MCHR2: variants seen among roughly 807,000 people sequenced by gnomAD.
The protein encoded by MCHR2 is melanin concentrating hormone receptor 2, also known as melanin-concentrating hormone receptor 2.
In MCHR2, 15 loss-of-function variants were observed where a neutral mutation model predicts 24.8. The observed-to-expected ratio is 0.60, with a 90% CI of 0.40 to 0.93. MCHR2 has a LOEUF of 0.93. Among genes scored for constraint, MCHR2 ranks in the 40% least tolerant of loss-of-function variants. MCHR2 has a pLI of 0.00. For missense variants in MCHR2, 386 were observed against 408.7 expected (o/e 0.94, Z 0.48); for synonymous variants, 151 against 147.6 (o/e 1.02, Z -0.17).
intron 1 of MCHR2, among the ~76,000 whole-genome samples, chr6:99,984,758 G>C (rs1266944519): frequency 6.6e-6 from 1 of 152,066 alleles, no homozygotes; most frequent in Non-Finnish European, 1.5e-5. Flanking sequence ...TTACCCCTTA[G>C]AATGGGACAA....
intron 1 of MCHR2, among the ~76,000 whole-genome samples, chr6:99,991,778 C>T (rs374066360): frequency 8.5e-6 from 1 of 117,568 alleles, no homozygotes; most frequent in Admixed American, 1.3e-4. Flanking sequence ...CACTGCACTC[C>T]AACCTGGGTG....
chr6:99,972,412 C>T (rs1775445307), intron 1 of MCHR2, among the ~76,000 whole-genome samples: 2 of 152,158 alleles, frequency 1.3e-5, no homozygotes. Context: ...ATGATATCCC[C>T]TTTATCATTT....
Position 99,943,118 on chromosome 6 carries a change from G to A in MCHR2, c.418C>T (p.Arg140Ter), listed in dbSNP as rs761446827. Residue 140 changes from arginine to a stop codon, truncating the protein, a stop_gained, in exon 4 of 6, where the codon CGA (arginine) becomes TGA (stop). Transcript: ENST00000281806. LOFTEE classifies it high-confidence loss of function. ...DRYFALVQPF[R>*]LTRWRTRYKT... ...TACCTTGTTCTCCAACGTGTCAGTC[G>A]AAATGGTTGGACGAGGGCAAAGTAC... The A allele has an allele frequency of 2.5e-6, 4 of 1,610,594 alleles. No individual in the cohort carries two copies. The highest frequency in any genetic ancestry group is 1.3e-5 in the African/African-American group (1 of 74,910).
intron 1 of MCHR2, among the ~76,000 whole-genome samples, chr6:99,993,301 G>A (rs1012286077): frequency 6.6e-6 from 1 of 152,160 alleles, no homozygotes; most frequent in South Asian, 2.1e-4. Context: ...TCTGACAGCC[G>A]CTAACTAACT....
chr6:99,931,888 G>A (rs573744988), intron 5 of MCHR2, among the ~76,000 whole-genome samples: 8 of 152,240 alleles, frequency 5.3e-5, no homozygotes, highest in East Asian at 1.9e-4. Context: ...AGATGGACCC[G>A]GTACCTCAGA....
chr6:99,965,181 C>T (rs901599000), intron 1 of MCHR2, among the ~76,000 whole-genome samples: 4 of 152,118 alleles, frequency 2.6e-5, no homozygotes, highest in African/African-American at 9.7e-5. Context: ...AAAAACCAGT[C>T]TAACATCTGA....
intron 5 of MCHR2, among the ~76,000 whole-genome samples, chr6:99,928,731 C>G (rs1023844981): frequency 6.6e-6 from 1 of 152,032 alleles, no homozygotes; most frequent in Non-Finnish European, 1.5e-5. Flanking sequence ...TCTCTCTTTT[C>G]TTCTTTATTA....
At chr6:99,974,057 G>A (rs1169628294) in intron 1 of MCHR2, among the ~76,000 whole-genome samples, 1 of 152,116 alleles carries the variant, frequency 6.6e-6, no homozygotes, top group Non-Finnish European at 1.5e-5. Flanking sequence ...CTCTTCTCGA[G>A]GAGTATCTTT....
intron 4 of MCHR2, among the ~76,000 whole-genome samples, chr6:99,934,898 A>T (rs1051296664): frequency 3.9e-5 from 6 of 152,176 alleles, no homozygotes; most frequent in East Asian, 1.9e-4. Flanking sequence ...CCCCATGAGT[A>T]TGATGCCATT....
At chr6:99,993,664 C>T (rs974496625) in intron 1 of MCHR2, among the ~76,000 whole-genome samples, 5 of 152,120 alleles carry the variant, frequency 3.3e-5, no homozygotes, top group African/African-American at 1.2e-4. Flanking sequence ...TTTTCTTTTC[C>T]CACCTGTGTT....
intron 1 of MCHR2, among the ~76,000 whole-genome samples, chr6:99,963,880 T>C (rs1168815068): frequency 6.6e-6 from 1 of 152,034 alleles, no homozygotes; most frequent in Non-Finnish European, 1.5e-5. Flanking sequence ...CTAAGACATA[T>C]AAACAACAAA....
chr6:99,989,803 A>T (rs1410146736), intron 1 of MCHR2, among the ~76,000 whole-genome samples: 2 of 152,182 alleles, frequency 1.3e-5, no homozygotes, highest in East Asian at 3.8e-4. Context: ...AAAATATTTT[A>T]GGCAGAATTT....
chr6:99,947,966 C>G lies in MCHR2; in HGVS notation c.188G>C (p.Arg63Thr). The G allele has an allele frequency of 1.2e-6, 2 of 1,612,916 alleles. No homozygotes were observed. The highest frequency in any genetic ancestry group is 1.7e-6 in the Non-Finnish European group (2 of 1,179,330). The change falls in exon 3 of 6, where the codon AGG becomes ACG. Residue 63 changes from arginine to threonine, a missense_variant. Transcript: ENST00000281806. Reference protein sequence around the residue: ...ILIVFTIIRSRKKTVPDIYIC... With the variant: ...ILIVFTIIRSTKKTVPDIYIC... ...ATAGATGTCAGGGACTGTTTTTTTC[C>G]TGGATCTGAAAGAGATAGAGGAAAC...
intron 4 of MCHR2, among the ~76,000 whole-genome samples, chr6:99,942,622 A>C (rs891150683): frequency 2.0e-5 from 3 of 152,168 alleles, no homozygotes; most frequent in Non-Finnish European, 4.4e-5. Flanking sequence ...GATGAGGTGG[A>C]GTCTGAGTGA....
At chr6:99,971,467 C>T (rs547210782) in intron 1 of MCHR2, among the ~76,000 whole-genome samples, 56 of 152,244 alleles carry the variant, frequency 3.7e-4, no homozygotes, top group African/African-American at 1.3e-3. Context: ...TGGGCTGAGA[C>T]ATTGGGGTTT....
rs577663269 is a variant in MCHR2 at position 99,921,032 on chromosome 6, C to T, written c.931G>A (p.Gly311Arg). 1 of 1,614,146 alleles carries T rather than the reference C, an allele frequency of 6.2e-7. No individual in the cohort carries two copies. The highest frequency in any genetic ancestry group is 1.7e-5 in the Admixed American group (1 of 60,014). Residue 311 changes from glycine to arginine, a missense_variant, in exon 6 of 6, where the codon GGA becomes AGA. By Grantham distance (125) the Gly-to-Arg change is moderately radical (BLOSUM62 -2). Coordinates refer to ENST00000281806, the MANE Select transcript of MCHR2 (RefSeq NM_001040179.2). Reference protein sequence around the residue: ...INPFLYILLSGNFQKRLPQIQ... With the variant: ...INPFLYILLSRNFQKRLPQIQ... Reference sequence around the variant, plus strand: ...TGAGGCAGACGTTTCTGGAAATTTCCACTCAGCAGGATGTAGAGAAAAGGG... The same window carrying T: ...TGAGGCAGACGTTTCTGGAAATTTCTACTCAGCAGGATGTAGAGAAAAGGG...
intron 5 of MCHR2, among the ~76,000 whole-genome samples, chr6:99,928,770 G>T (rs1418553904): frequency 6.6e-6 from 1 of 151,942 alleles, no homozygotes; most frequent in Admixed American, 6.6e-5. Context: ...CAATTTTGTT[G>T]ATCATTTCAA....
intron 1 of MCHR2, among the ~76,000 whole-genome samples, chr6:99,974,521 T>G (rs1775506550): frequency 2.6e-5 from 4 of 152,198 alleles, no homozygotes; most frequent in Non-Finnish European, 5.9e-5. Context: ...TCCTGTAGCT[T>G]GGAGTAGTTT....
chr6:99,966,574 T>C (rs963365657), intron 1 of MCHR2, among the ~76,000 whole-genome samples: 1 of 152,004 alleles, frequency 6.6e-6, no homozygotes, highest in Non-Finnish European at 1.5e-5. Flanking sequence ...ACTTGAAGAG[T>C]GAATGCCCAA....
Sources: allele counts gnomAD v4.1 joint callset (sites outside exome capture counted in the v4.1 genomes callset), GRCh38; gene constraint gnomAD v4.1.1; transcripts MANE v1.5; gene names NCBI Gene and HGNC (gene_info 2026-07-23, HGNC 2026-07-21).